The following MRTFA variants were observed in gnomAD, a reference collection of about 807,000 sequenced individuals.
MRTFA encodes the protein myocardin related transcription factor A.
In MRTFA, 20 loss-of-function variants were observed where a neutral mutation model predicts 83.5. The ratio of observed to expected loss-of-function variants is 0.24; its 90% confidence interval spans 0.17 to 0.35. MRTFA has a LOEUF of 0.35. Among genes scored for constraint, MRTFA ranks in the 10% least tolerant of loss-of-function variants. The pLI is 1.00. For synonymous variants in MRTFA, 659 were observed against 541.2 expected, an observed-to-expected ratio of 1.22 and a Z score of -3.02; for missense variants, 1,200 against 1,224.7, an observed-to-expected ratio of 0.98 and a Z score of 0.30.
rs769601620 is a variant in MRTFA, at chr22:40,418,803, C to T, written c.1935G>A (p.Gln645=). The T allele has an allele frequency of 3.1e-6, 5 of 1,605,318 alleles. No homozygotes were observed. The highest frequency in any genetic ancestry group is 4.2e-6 in the Non-Finnish European group (5 of 1,178,198). The change falls in exon 12 of 15, where the codon CAG becomes CAA. Residue 645 remains glutamine (Q), a synonymous_variant. Coordinates refer to ENST00000355630, the MANE Select transcript of MRTFA (RefSeq NM_020831.6). ...GCAGCTTGAGCCGCTCCACCAGCTG[C>T]TGCTTCTGCCGGAGCATGCGCGTCA...
chr22:40,630,433 G>T (rs2056630016), intron 1 of MRTFA, among the ~76,000 whole-genome samples: 2 of 152,146 alleles, frequency 1.3e-5, no homozygotes, highest in Admixed American at 6.5e-5. Flanking sequence ...AAACACCTGG[G>T]CAGTTTTTAA....
chr22:40,503,596 T>G (rs1407859888), intron 3 of MRTFA, among the ~76,000 whole-genome samples: 1 of 152,234 alleles, frequency 6.6e-6, no homozygotes. Flanking sequence ...ACAAATAGTC[T>G]TTATCAAGGC....
chr22:40,411,681 C>T lies in MRTFA; in HGVS notation c.2805G>A (p.Glu935=), dbSNP rs1241132698. 1 of 1,604,508 alleles carries T rather than the reference C, an allele frequency of 6.2e-7. No individual in the cohort carries two copies. Among genetic ancestry groups the T allele is most frequent in the Non-Finnish European group, 8.5e-7 (1 of 1,174,496 alleles). Residue 935 remains glutamate, a synonymous_variant, in exon 15 of 15, where the codon GAG becomes GAA. Transcript: ENST00000355630. The stretch of plus-strand genomic sequence containing the variant: ...GGAGGTCGTCAATGAGGGAAAGGGG[C>T]TCTGGCCCGTCATGCCCACTGGTCA...
intron 7 of MRTFA, among the ~76,000 whole-genome samples, chr22:40,426,493 A>G (rs559641482): frequency 6.6e-6 from 1 of 152,252 alleles, no homozygotes; most frequent in East Asian, 1.9e-4. Flanking sequence ...ACTCAACTGT[A>G]CAATCTGGTT....
intron 3 of MRTFA, among the ~76,000 whole-genome samples, chr22:40,498,519 A>G (rs2054401686): frequency 6.6e-6 from 1 of 151,580 alleles, no homozygotes; most frequent in South Asian, 2.1e-4. Flanking sequence ...TCCTGGGCTC[A>G]AGAGATCCAC....
intron 14 of MRTFA, chr22:40,412,976 A>AAAAT (rs2052591152): frequency 6.6e-6 from 1 of 151,924 alleles, no homozygotes; most frequent in Non-Finnish European, 1.5e-5. Context: ...ACCTCTACTA[A>AAAAT]AAATACAAAA....
intron 5 of MRTFA, among the ~76,000 whole-genome samples, chr22:40,434,059 A>G (rs1400013024): frequency 6.6e-6 from 1 of 152,238 alleles, no homozygotes; most frequent in African/African-American, 2.4e-5. Context: ...CACCTAATTC[A>G]TAAGAGTTGA....
intron 1 of MRTFA, among the ~76,000 whole-genome samples, chr22:40,628,253 A>C (rs564616351): frequency 6.6e-6 from 1 of 152,350 alleles, no homozygotes; most frequent in East Asian, 1.9e-4. Context: ...GTAAGCCTAC[A>C]GTCACATACC....
At chr22:40,591,287 A>AG (rs1157429047) in intron 2 of MRTFA, among the ~76,000 whole-genome samples, 8 of 152,042 alleles carry the variant, frequency 5.3e-5, no homozygotes, top group Non-Finnish European at 1.2e-4. Flanking sequence ...AAAAAAAAAA[A>AG]AAAAGATAAC....
chr22:40,584,154 C>T lies in MRTFA; in HGVS notation c.-22+10520G>A, dbSNP rs2055990109. 2.0e-5 allele frequency among the ~76,000 whole-genome samples: 3 copies of T among 152,126 alleles called. No homozygotes were observed. In the South Asian group the frequency reaches 6.2e-4, roughly 32 times the overall value. Reference sequence around the variant, plus strand: ...ACAGAAAAACAGACTCTTGTAAGGTCTCAAAACCTTGTCAAAAACATGATA... The same window carrying T: ...ACAGAAAAACAGACTCTTGTAAGGTTTCAAAACCTTGTCAAAAACATGATA... On this transcript the variant is annotated intron_variant, in intron 2 of 14. Transcript: ENST00000355630.
chr22:40,514,752 T>C (rs1445298285), intron 3 of MRTFA, among the ~76,000 whole-genome samples: 3 of 151,562 alleles, frequency 2.0e-5, no homozygotes, highest in Non-Finnish European at 4.4e-5. Flanking sequence ...AGTGCTGAGA[T>C]TACAGATGTG....
At chr22:40,491,245 G>C (rs770497887) in intron 3 of MRTFA, among the ~76,000 whole-genome samples, 3 of 152,254 alleles carry the variant, frequency 2.0e-5, no homozygotes, top group Non-Finnish European at 4.4e-5. Flanking sequence ...AGGAGGCTGA[G>C]GCTGGAGAAT....
intron 2 of MRTFA, among the ~76,000 whole-genome samples, chr22:40,571,992 C>A (rs2055802553): frequency 7.0e-6 from 1 of 142,646 alleles, no homozygotes; most frequent in African/African-American, 2.6e-5. Flanking sequence ...CATCACTAGT[C>A]ATTAGGAAAT....
At chr22:40,471,790 T>G (rs557905015) in intron 3 of MRTFA, among the ~76,000 whole-genome samples, 1 of 152,130 alleles carries the variant, frequency 6.6e-6, no homozygotes, top group African/African-American at 2.4e-5. Flanking sequence ...GAAAATCACT[T>G]GAATCTGGGA....
rs1171305159 is a variant in MRTFA, at chr22:40,429,745, G to T, written c.462C>A (p.Leu154=). Residue 154 remains leucine, a synonymous_variant, in exon 7 of 15, where the codon CTC becomes CTA. Transcript: ENST00000355630. Reference sequence around the variant, plus strand: ...TCTTCAGCTTCAGCTGCTTGGCCTGGAGGGATGGCTCAGCCGAGGTCTCTG... The same window carrying T: ...TCTTCAGCTTCAGCTGCTTGGCCTGTAGGGATGGCTCAGCCGAGGTCTCTG... 1 of 1,613,538 alleles carries T rather than the reference G, an allele frequency of 6.2e-7. No homozygotes were observed. Among genetic ancestry groups the T allele is most frequent in the Non-Finnish European group, 8.5e-7 (1 of 1,179,788 alleles).
At chr22:40,504,864 C>T (rs2054555808) in intron 3 of MRTFA, among the ~76,000 whole-genome samples, 1 of 152,168 alleles carries the variant, frequency 6.6e-6, no homozygotes. Flanking sequence ...CATCATCTTA[C>T]AAACATGGCT....
At chr22:40,614,815 A>T (rs2056430653) in intron 1 of MRTFA, among the ~76,000 whole-genome samples, 1 of 152,192 alleles carries the variant, frequency 6.6e-6, no homozygotes, top group African/African-American at 2.4e-5. Context: ...AGAAATGTCC[A>T]TTCAAGTCTT....
chr22:40,532,491 A>C (rs2147277934), intron 3 of MRTFA, among the ~76,000 whole-genome samples: 1 of 152,370 alleles, frequency 6.6e-6, no homozygotes, highest in African/African-American at 2.4e-5. Context: ...ATAGATCTGT[A>C]GGAGGAAAAG....
intron 2 of MRTFA, chr22:40,569,930 C>T (rs2055764820): frequency 6.5e-6 from 1 of 153,724 alleles, no homozygotes. Flanking sequence ...TGTCCTTCTC[C>T]CAGGATGGTA....
Sources: gnomAD v4.1 joint callset for allele counts (sites outside exome capture counted in the v4.1 genomes callset) on GRCh38, gnomAD v4.1.1 for gene constraint, MANE v1.5 for transcripts, NCBI Gene and HGNC (gene_info 2026-07-23, HGNC 2026-07-21) for gene names.